Variants in INVS observed in about 807,000 individuals in gnomAD.
INVS encodes inversion of embryo turning homolog.
In INVS, 86 loss-of-function variants were observed where a neutral mutation model predicts 108.8. The ratio of observed to expected loss-of-function variants is 0.79; its 90% confidence interval spans 0.66 to 0.95. The LOEUF is 0.95. Among genes scored for constraint, INVS ranks in the 40% least tolerant of loss-of-function variants. INVS has a pLI of 0.00. For synonymous variants in INVS, 455 were observed against 473.5 expected (o/e 0.96, Z 0.51); for missense variants, 1,169 against 1,297.4 (o/e 0.90, Z 1.52).
At chr9:100,117,451 C>A in intron 2 of INVS, 1 of 789,908 alleles carries the variant, frequency 1.3e-6, no homozygotes, top group Admixed American at 1.7e-5. Context: ...TGGTGACGGG[C>A]ATGCACTCCT....
At chr9:100,124,766 T>C (rs1490256591) in intron 2 of INVS, among the ~76,000 whole-genome samples, 2 of 152,242 alleles carry the variant, frequency 1.3e-5, no homozygotes, top group Non-Finnish European at 2.9e-5. Context: ...TTATCTTTTC[T>C]TGTTTAAATT....
intron 3 of INVS, among the ~76,000 whole-genome samples, chr9:100,127,228 TA>T (rs1280760256): frequency 2.6e-5 from 4 of 152,092 alleles, no homozygotes; most frequent in Non-Finnish European, 5.9e-5. Flanking sequence ...TAATTTAATT[TA>T]AAAGGTTGAA....
intron 4 of INVS, among the ~76,000 whole-genome samples, chr9:100,229,437 A>G (rs976200128): frequency 6.6e-6 from 1 of 152,164 alleles, no homozygotes; most frequent in Non-Finnish European, 1.5e-5. Flanking sequence ...TGTTATTTAG[A>G]ATGGCACACA....
intron 14 of INVS, among the ~76,000 whole-genome samples, chr9:100,294,214 A>G (rs1293420752): frequency 2.0e-5 from 3 of 152,142 alleles, no homozygotes; most frequent in African/African-American, 7.2e-5. Context: ...CACTGGGGAG[A>G]GGAAGACGGA....
intron 3 of INVS, among the ~76,000 whole-genome samples, chr9:100,216,869 A>T (rs1207749281): frequency 6.6e-6 from 1 of 152,006 alleles, no homozygotes; most frequent in Non-Finnish European, 1.5e-5. Flanking sequence ...CACCATTCAG[A>T]CTCATTAACA....
At chr9:100,099,893 G>A (rs995309241) in intron 1 of INVS, among the ~76,000 whole-genome samples, 4 of 152,116 alleles carry the variant, frequency 2.6e-5, no homozygotes, top group African/African-American at 9.7e-5. Flanking sequence ...GTGCTTTTGT[G>A]GTTCTCCCTG....
intron 2 of INVS, among the ~76,000 whole-genome samples, chr9:100,124,177 A>AGTGTGTGT (rs3052021): frequency 0.015 from 2,157 of 144,192 alleles, 15 homozygotes; most frequent in Non-Finnish European, 0.021. Context: ...TTTGTTTCTG[A>AGTGTGTGT]GTGTGTGTGT....
Position 100,226,044 on chromosome 9 carries a change from C to G in INVS, c.274-18C>G, listed in dbSNP as rs1207095889. On this transcript the variant is annotated intron_variant, in intron 3 of 16. Coordinates refer to ENST00000262457, the MANE Select transcript of INVS (RefSeq NM_014425.5). Reference sequence around the variant, plus strand: ...CCATAGTACATTTTTTTCTTATCATCTCTTGTTTTTTATTTAGGGAAATTA... The same window carrying G: ...CCATAGTACATTTTTTTCTTATCATGTCTTGTTTTTTATTTAGGGAAATTA... 1 of 1,569,854 alleles carries G rather than the reference C, an allele frequency of 6.4e-7. No individual in the cohort carries two copies.
chr9:100,254,729 A>C (rs1832357742), intron 10 of INVS, among the ~76,000 whole-genome samples: 1 of 152,016 alleles, frequency 6.6e-6, no homozygotes, highest in Non-Finnish European at 1.5e-5. Flanking sequence ...ATGATTGTAG[A>C]TGTGTGGTAT....
At chr9:100,157,092 A>G (rs1234522786) in intron 3 of INVS, among the ~76,000 whole-genome samples, 1 of 151,674 alleles carries the variant, frequency 6.6e-6, no homozygotes, top group African/African-American at 2.4e-5. Flanking sequence ...TATATGTACT[A>G]TCATGGAAAG....
intron 3 of INVS, among the ~76,000 whole-genome samples, chr9:100,206,684 A>G (rs528119472): frequency 6.6e-6 from 1 of 152,116 alleles, no homozygotes; most frequent in Admixed American, 6.5e-5. Context: ...ATATTATCTC[A>G]TCCAAAAATC....
intron 3 of INVS, among the ~76,000 whole-genome samples, chr9:100,173,083 G>A (rs1462096209): frequency 6.6e-6 from 1 of 152,200 alleles, no homozygotes; most frequent in East Asian, 1.9e-4. Flanking sequence ...ACATCATCAA[G>A]ATTGATACAG....
At chr9:100,251,823 TGTAACCAATGGAAGGAACA>T (rs1832248498) in intron 8 of INVS, among the ~76,000 whole-genome samples, 5 of 152,210 alleles carry the variant, frequency 3.3e-5, no homozygotes, top group Admixed American at 3.3e-4. Context: ...GAACAGTGCA[TGTAACCAATGGAAGGAACA>T]GTAGATTGAT....
chr9:100,242,701 T>G (rs755252597), intron 7 of INVS, 22 bp downstream of exon 7: 1 of 1,308,786 alleles, frequency 7.6e-7, no homozygotes, highest in South Asian at 1.2e-5. Flanking sequence ...AAGACAATGC[T>G]CTTTTTTCTT....
At chr9:100,132,361 T>C (rs1828080157) in intron 3 of INVS, among the ~76,000 whole-genome samples, 1 of 152,218 alleles carries the variant, frequency 6.6e-6, no homozygotes, top group Non-Finnish European at 1.5e-5. Context: ...CTTTTCACTA[T>C]CCACTCCCTG....
intron 11 of INVS, among the ~76,000 whole-genome samples, chr9:100,268,144 G>A (rs1832848405): frequency 6.6e-6 from 1 of 152,094 alleles, no homozygotes; most frequent in Admixed American, 6.5e-5. Flanking sequence ...TGAAAGTACA[G>A]CTACTCCATA....
intron 5 of INVS, among the ~76,000 whole-genome samples, chr9:100,237,896 T>G (rs1010535159): frequency 1.3e-5 from 2 of 152,132 alleles, no homozygotes; most frequent in African/African-American, 4.8e-5. Context: ...TTAGTTTTTT[T>G]GGGACAGAGC....
At chr9:100,200,822 C>G (rs1830511647) in intron 3 of INVS, among the ~76,000 whole-genome samples, 1 of 152,184 alleles carries the variant, frequency 6.6e-6, no homozygotes, top group Non-Finnish European at 1.5e-5. Context: ...TTTTACCCAT[C>G]TCTTTTATTC....
In INVS at chr9:100,296,929, GA is replaced by G. The variant is rs2118781593; in HGVS notation, c.2801del (p.Lys934SerfsTer9). On this transcript the variant is annotated frameshift_variant, in exon 15 of 17. Coordinates refer to ENST00000262457, the MANE Select transcript of INVS (RefSeq NM_014425.5). LOFTEE classifies it high-confidence loss of function. ...QRAWRSYQLR[K>X]HLSHLRHMKQ... ...CTGACCCAACCAGCTACCAGCTCAGGAAGCACCTGTCCCACCTTCGGCATAT... is the reference window on the plus strand; with the variant it reads ...CTGACCCAACCAGCTACCAGCTCAGGAGCACCTGTCCCACCTTCGGCATAT... 1 of 1,614,020 alleles carries G rather than the reference GA, an allele frequency of 6.2e-7. No individual in the cohort carries two copies. The highest frequency in any genetic ancestry group is 8.5e-7 in the Non-Finnish European group (1 of 1,179,966).
Sources: allele counts gnomAD v4.1 joint callset (sites outside exome capture counted in the v4.1 genomes callset), GRCh38; gene constraint gnomAD v4.1.1; transcripts MANE v1.5; gene names NCBI Gene and HGNC (gene_info 2026-07-23, HGNC 2026-07-21).